The following VWA8 variants were observed in gnomAD, a reference collection of about 807,000 sequenced individuals.
The protein encoded by VWA8 is von Willebrand factor A domain-containing protein 8.
Under a neutral mutation model 241.5 loss-of-function variants are expected in VWA8, and 221 were observed. The observed-to-expected ratio is 0.91, with a 90% CI of 0.82 to 1.02. The LOEUF is 1.02. Ranked by LOEUF, VWA8 falls within the 50% of genes least tolerant of loss-of-function variation. VWA8 has a pLI of 0.00. For synonymous variants in VWA8, 852 were observed against 827.1 expected (o/e 1.03, Z -0.52); for missense variants, 2,322 against 2,328.7 (o/e 1.00, Z 0.06).
intron 29 of VWA8, among the ~76,000 whole-genome samples, chr13:41,693,674 C>T (rs987261385): frequency 1.3e-5 from 2 of 151,602 alleles, no homozygotes; most frequent in Admixed American, 6.6e-5. Context: ...AATTAGGATA[C>T]GTTTTTTTAA....
In VWA8 at chr13:41,840,492, T is replaced by C. The variant is rs116753186; in HGVS notation, c.1426-6961A>G. Among the ~76,000 whole-genome samples, 967 of 151,866 alleles carry C rather than the reference T, an allele frequency of 6.4e-3. 7 individuals carry two copies. The highest frequency in any genetic ancestry group is 0.022 in the African/African-American group (919 of 41,388). ...AAAAAAAAAAGTTACAGGTGGTAGC[T>C]CATGCTTGTAATTCTAGCACTTTGG... is the stretch of plus-strand genomic sequence containing the variant. On this transcript the variant is annotated intron_variant, in intron 12 of 44. Transcript: ENST00000379310.
Position 41,883,455 on chromosome 13 carries a change from G to A in VWA8, c.1012C>T (p.Gln338Ter). 1.2e-6 allele frequency: 2 copies of A among 1,613,640 alleles called. No homozygotes were observed. The highest frequency in any genetic ancestry group is 1.7e-6 in the Non-Finnish European group (2 of 1,179,742). ...FPMMPIKHAIQWLYPYSILLG... is the reference protein window; with the variant it reads ...FPMMPIKHAI ...AAAATACTATATGGATAAAGCCACT[G>A]GATTGCATGTTTGATTGGCATCATA... Residue 338 changes from glutamine (Q) to a stop codon, truncating the protein, a stop_gained, in exon 9 of 45, where the codon CAG becomes TAG. Transcript: ENST00000379310. LOFTEE classifies it high-confidence loss of function.
At chr13:41,640,698 C>T (rs1361910177) in intron 37 of VWA8, among the ~76,000 whole-genome samples, 1 of 152,190 alleles carries the variant, frequency 6.6e-6, no homozygotes, top group Non-Finnish European at 1.5e-5. Flanking sequence ...GGGCTTCTAT[C>T]CAATCTCTGA....
rs1555303592 is a variant in VWA8, at chr13:41,573,486, A to ATATATATAT, written c.5370+2253_5370+2254insATATATATA. 1.1e-4 allele frequency among the ~76,000 whole-genome samples: 13 copies of ATATATATAT among 113,594 alleles called. No individual in the cohort carries two copies. The East Asian group carries it at 1.8e-3, about 16-fold the overall frequency. The allele number at this position is 113,594 out of a possible 152,430, so 74.5% of individuals were successfully genotyped here. ...GGTGGCTATAGTTTAAAAAAAAAAA[A>ATATATATAT]ATATATATATATATATATATACCTC... On this transcript the variant is annotated intron_variant, in intron 43 of 44. Coordinates refer to ENST00000379310, the MANE Select transcript of VWA8 (RefSeq NM_015058.2).
At chr13:41,822,122 T>A (rs574505565) in intron 14 of VWA8, among the ~76,000 whole-genome samples, 90 of 152,270 alleles carry the variant, frequency 5.9e-4, no homozygotes, top group African/African-American at 2.0e-3. Flanking sequence ...TATTAAAAAT[T>A]ATCAAACTGT....
chr13:41,605,781 A>C (rs2044550049), intron 39 of VWA8, among the ~76,000 whole-genome samples: 1 of 152,168 alleles, frequency 6.6e-6, no homozygotes, highest in South Asian at 2.1e-4. Context: ...TCAAGCCTAA[A>C]GAATGTAAGT....
intron 12 of VWA8, among the ~76,000 whole-genome samples, chr13:41,853,435 A>T (rs971494365): frequency 1.3e-5 from 2 of 152,110 alleles, no homozygotes; most frequent in Non-Finnish European, 2.9e-5. Flanking sequence ...TTTTTTAAAA[A>T]GTTTGAAAAG....
intron 13 of VWA8, among the ~76,000 whole-genome samples, chr13:41,831,386 C>T (rs960195120): frequency 2.6e-5 from 4 of 152,256 alleles, no homozygotes; most frequent in Admixed American, 6.5e-5. Context: ...AGAGGGAGAA[C>T]GACTCTATCT....
chr13:41,599,242 C>T (rs568380951), intron 40 of VWA8, among the ~76,000 whole-genome samples: 325 of 152,166 alleles, frequency 2.1e-3, no homozygotes, highest in Non-Finnish European at 3.1e-3. Flanking sequence ...TCTGTTCTTT[C>T]TACTTTTCAT....
intron 12 of VWA8, among the ~76,000 whole-genome samples, chr13:41,844,277 A>C (rs992286947): frequency 6.6e-6 from 1 of 152,212 alleles, no homozygotes; most frequent in Non-Finnish European, 1.5e-5. Context: ...CTTCCGATAA[A>C]ATCCAACATC....
chr13:41,786,932 G>T (rs1332656643), intron 18 of VWA8, among the ~76,000 whole-genome samples: 1 of 151,894 alleles, frequency 6.6e-6, no homozygotes, highest in African/African-American at 2.4e-5. Context: ...CAGAAGAAAA[G>T]TACCACAAAA....
In VWA8 at chr13:41,691,334, C is replaced by T; in HGVS notation, c.3852G>A (p.Glu1284=). 3 of 1,612,248 alleles carry T rather than the reference C, an allele frequency of 1.9e-6. No homozygotes were observed. The highest frequency in any genetic ancestry group is 2.5e-6 in the Non-Finnish European group (3 of 1,178,740). The change falls in exon 32 of 45, where the codon GAG becomes GAA. Residue 1284 remains glutamate (E), a synonymous_variant. Transcript: ENST00000379310. The part of the protein sequence containing the change: ...LVAEDKWLLV[E]SKTNQKYLLT... ...AAGCCACTCACTGATTTGTTTTGCTCTCCACCAGAAGCCATTTGTCCTCTG... is the reference window on the plus strand; with the variant it reads ...AAGCCACTCACTGATTTGTTTTGCTTTCCACCAGAAGCCATTTGTCCTCTG...
Position 41,863,458 on chromosome 13 carries a change from C to CATATAT in VWA8, c.1425+2277_1425+2278insATATAT, listed in dbSNP as rs1566485525. On this transcript the variant is annotated intron_variant, in intron 12 of 44. Coordinates refer to ENST00000379310, the MANE Select transcript of VWA8 (RefSeq NM_015058.2). ...GTATATATATATATATATATATTCA[C>CATATAT]ACACACACACACACTATATATATTA... Among the ~76,000 whole-genome samples, 64 of 116,220 alleles carry CATATAT rather than the reference C, an allele frequency of 5.5e-4. 2 individuals carry two copies. Among genetic ancestry groups the CATATAT allele is most frequent in the Non-Finnish European group, 6.1e-4 (33 of 54,152 alleles). 76.2% of individuals were successfully genotyped at this position (116,220 alleles called of 152,430 possible). A position where few individuals can be genotyped will look rare whatever the true frequency, so the allele number is the denominator to read the frequency against.
intron 12 of VWA8, among the ~76,000 whole-genome samples, chr13:41,842,937 A>G (rs939509264): frequency 2.4e-4 from 36 of 152,208 alleles, no homozygotes; most frequent in African/African-American, 7.7e-4. Flanking sequence ...TAGGGCATCA[A>G]TGGCTAAATT....
intron 21 of VWA8, among the ~76,000 whole-genome samples, chr13:41,754,797 T>A (rs1455580894): frequency 6.6e-6 from 1 of 152,100 alleles, no homozygotes; most frequent in Non-Finnish European, 1.5e-5. Flanking sequence ...TGCTCTCTTA[T>A]CTCCACGAGT....
intron 12 of VWA8, among the ~76,000 whole-genome samples, chr13:41,858,233 T>G (rs1872845006): frequency 1.3e-5 from 2 of 152,186 alleles, no homozygotes; most frequent in Non-Finnish European, 2.9e-5. Flanking sequence ...CTAAAGTTTA[T>G]AGTCTGATAG....
chr13:41,699,376 G>A (rs2137825489), intron 28 of VWA8, 106 bp from the exon 29 acceptor site: 1 of 1,052,626 alleles, frequency 9.5e-7, no homozygotes. Flanking sequence ...GAACAGAGTT[G>A]GAACTCAGCA....
chr13:41,922,812 T>C (rs888258501), intron 2 of VWA8, among the ~76,000 whole-genome samples: 11 of 152,252 alleles, frequency 7.2e-5, no homozygotes, highest in South Asian at 4.2e-4. Context: ...TGTGGAGAAA[T>C]AGGAATACTT....
chr13:41,661,495 G>A (rs914401074), intron 37 of VWA8, among the ~76,000 whole-genome samples: 6 of 152,226 alleles, frequency 3.9e-5, no homozygotes, highest in Admixed American at 6.5e-5. Context: ...TCTTGGGCAA[G>A]TTATGTAACC....
Sources: allele counts gnomAD v4.1 joint callset (sites outside exome capture counted in the v4.1 genomes callset), GRCh38; gene constraint gnomAD v4.1.1; transcripts MANE v1.5; gene names NCBI Gene and HGNC (gene_info 2026-07-23, HGNC 2026-07-21).